The following TANGO6 variants were observed in gnomAD, a reference collection of about 807,000 sequenced individuals.
TANGO6 encodes transport and golgi organization 6 homolog.
In TANGO6, 90 loss-of-function variants were observed where a neutral mutation model predicts 114.2. That is an observed-to-expected ratio of 0.79 (90% CI 0.66 to 0.94). The LOEUF (loss-of-function observed/expected upper bound fraction) is 0.94. Among genes scored for constraint, TANGO6 ranks in the 40% least tolerant of loss-of-function variants. The pLI is 0.00. For missense variants in TANGO6, 1,274 were observed against 1,315.3 expected (o/e 0.97, Z 0.49); for synonymous variants, 477 against 509.8 (o/e 0.94, Z 0.87).
intron 16 of TANGO6, among the ~76,000 whole-genome samples, chr16:69,028,856 CAAAA>C (rs397761274): frequency 6.1e-5 from 4 of 65,546 alleles, no homozygotes; most frequent in Admixed American, 1.8e-4. Context: ...CCCAGTTTAA[CAAAA>C]AAAAAAAAAA....
At position 68,860,513 on chromosome 16, in the gene TANGO6, C is replaced by A. The variant is rs764349992; in HGVS notation, c.724C>A (p.Pro242Thr). 3 of 1,612,880 alleles carry A rather than the reference C, an allele frequency of 1.9e-6. No homozygotes were observed. Among genetic ancestry groups the A allele is most frequent in the South Asian group, 2.2e-5 (2 of 91,066 alleles). The change falls in exon 2 of 18, where the codon CCT becomes ACT. Residue 242 changes from proline to threonine, a missense_variant. Around this residue, in one of 5 missense-constraint regions of TANGO6, gnomAD observed 908 missense variants for 910.2 expected, o/e 1.00. Transcript: ENST00000261778. The part of the protein sequence containing the change: ...FCPTKRKLLT[P>T]AEEVLTEEER... ...CCCAACCAAAAGAAAACTGCTAACA[C>A]CTGCAGAAGAGGTAAATATACATTG...
chr16:68,988,470 C>T (rs897724080), intron 15 of TANGO6, among the ~76,000 whole-genome samples: 1 of 152,182 alleles, frequency 6.6e-6, no homozygotes, highest in East Asian at 1.9e-4. Flanking sequence ...TTCTCTCTTC[C>T]ATGCACATAG....
chr16:68,998,696 G>C (rs183690097), intron 15 of TANGO6, among the ~76,000 whole-genome samples: 1 of 147,954 alleles, frequency 6.8e-6, no homozygotes, highest in Non-Finnish European at 1.5e-5. Context: ...GCGCCACTGC[G>C]CTCCAGCCTG....
At chr16:69,041,513 G>A (rs1380872185) in intron 17 of TANGO6, among the ~76,000 whole-genome samples, 1 of 151,474 alleles carries the variant, frequency 6.6e-6, no homozygotes, top group Non-Finnish European at 1.5e-5. Flanking sequence ...ATCCTAGAAT[G>A]TTACCATATG....
chr16:68,882,945 G>A (rs1488948793), intron 7 of TANGO6, among the ~76,000 whole-genome samples: 4 of 152,030 alleles, frequency 2.6e-5, no homozygotes, highest in African/African-American at 7.2e-5. Flanking sequence ...TTGAACCCGG[G>A]AGGCGGAGGT....
intron 15 of TANGO6, among the ~76,000 whole-genome samples, chr16:68,988,238 T>C (rs920469682): frequency 6.6e-6 from 1 of 152,246 alleles, no homozygotes; most frequent in African/African-American, 2.4e-5. Flanking sequence ...AAGCCAGTGA[T>C]CAGTTATTCC....
In TANGO6 at chr16:68,927,906, G is replaced by T. The variant is rs745920560; in HGVS notation, c.2466G>T (p.Glu822Asp). The part of the protein sequence containing the change: ...NAPIIPQGVN[E>D]PSTTTSQKSG... Reference sequence around the variant, plus strand: ...CAATCATTCCTCAAGGAGTCAATGAGCCCAGCACTACTACAAGTCAGAAAT... The same window carrying T: ...CAATCATTCCTCAAGGAGTCAATGATCCCAGCACTACTACAAGTCAGAAAT... The change falls in exon 13 of 18, where the codon GAG becomes GAT. Residue 822 changes from glutamate (E) to aspartate (D), a missense_variant. Physicochemically the swap from Glu to Asp is conservative, Grantham distance 45. Around this residue, in one of 5 missense-constraint regions of TANGO6, gnomAD observed 908 missense variants for 910.2 expected, o/e 1.00. Coordinates refer to ENST00000261778, the MANE Select transcript of TANGO6 (RefSeq NM_024562.2). The T allele has an allele frequency of 1.2e-6, 2 of 1,613,916 alleles. No homozygotes were observed. The highest frequency in any genetic ancestry group is 3.3e-5 in the Admixed American group (2 of 60,004).
At chr16:68,910,756 A>G (rs1962911720) in intron 11 of TANGO6, among the ~76,000 whole-genome samples, 1 of 152,192 alleles carries the variant, frequency 6.6e-6, no homozygotes, top group South Asian at 2.1e-4. Flanking sequence ...GGCTCACTGC[A>G]ACCTCCACCT....
chr16:68,843,634 C>T lies in TANGO6; in HGVS notation c.17C>T (p.Ala6Val). The change falls in exon 1 of 18, where the codon GCC becomes GTC. Residue 6 changes from alanine (A) to valine (V), a missense_variant. By Grantham distance (64) the Ala-to-Val change is moderately conservative. Coordinates refer to ENST00000261778, the MANE Select transcript of TANGO6 (RefSeq NM_024562.2). MAARQAVGSGAQETCG... is the reference protein window; with the variant it reads MAARQVVGSGAQETCG... The stretch of plus-strand genomic sequence containing the variant: ...ACTCCAGTCATGGCGGCCCGACAGG[C>T]CGTGGGCAGCGGGGCTCAGGAGACA... 6.2e-7 allele frequency: 1 copy of T among 1,613,528 alleles called. No individual in the cohort carries two copies. Among genetic ancestry groups the T allele is most frequent in the South Asian group, 1.1e-5 (1 of 91,056 alleles).
At chr16:68,938,725 A>C (rs1194936884) in intron 14 of TANGO6, among the ~76,000 whole-genome samples, 1 of 152,092 alleles carries the variant, frequency 6.6e-6, no homozygotes, top group Non-Finnish European at 1.5e-5. Flanking sequence ...ATGGGGGCTT[A>C]TGTCAGTGAC....
chr16:69,025,336 G>T (rs1053718298), intron 16 of TANGO6, among the ~76,000 whole-genome samples: 2 of 152,174 alleles, frequency 1.3e-5, no homozygotes, highest in Non-Finnish European at 2.9e-5. Flanking sequence ...GCTGGAGAGA[G>T]GACATGAAGG....
chr16:68,985,745 G>A (rs943001491), intron 15 of TANGO6, among the ~76,000 whole-genome samples: 7 of 152,160 alleles, frequency 4.6e-5, no homozygotes, highest in Non-Finnish European at 2.9e-5. Flanking sequence ...AATTTTAAAA[G>A]ATACTTAGTG....
At chr16:69,077,939 A>C (rs1322805088) in intron 17 of TANGO6, among the ~76,000 whole-genome samples, 3 of 152,110 alleles carry the variant, frequency 2.0e-5, no homozygotes, top group Admixed American at 2.0e-4. Flanking sequence ...TTTATTTTTT[A>C]TTTGTTTATT....
At chr16:68,995,399 T>G (rs917307356) in intron 15 of TANGO6, among the ~76,000 whole-genome samples, 7 of 152,186 alleles carry the variant, frequency 4.6e-5, no homozygotes, top group Admixed American at 2.6e-4. Context: ...CAGTGACTAT[T>G]GTGACCTGTG....
In TANGO6 at chr16:68,877,859, C is replaced by T. The variant is rs560909248; in HGVS notation, c.1132-259C>T. ...TCCTGACCTTGTGATCCTCCCGCCT[C>T]GGCCTCCCAAAGTGTTGGGATTACA... On this transcript the variant is annotated intron_variant, in intron 5 of 17. Coordinates refer to ENST00000261778, the MANE Select transcript of TANGO6 (RefSeq NM_024562.2). Among the ~76,000 whole-genome samples, 112 of 152,250 alleles carry T rather than the reference C, an allele frequency of 7.4e-4. 1 individual carries two copies. The South Asian group carries it at 0.014, about 19-fold the overall frequency.
chr16:68,861,610 CTG>C (rs1053409552), intron 2 of TANGO6, among the ~76,000 whole-genome samples: 17 of 152,170 alleles, frequency 1.1e-4, no homozygotes, highest in African/African-American at 3.6e-4. Context: ...TGAGGCTAAA[CTG>C]TGCCCAGGGA....
At chr16:69,010,373 C>G (rs747753239) in intron 15 of TANGO6, among the ~76,000 whole-genome samples, 1 of 152,140 alleles carries the variant, frequency 6.6e-6, no homozygotes, top group Non-Finnish European at 1.5e-5. Flanking sequence ...TAAGCTGTTT[C>G]CTTGCCCGAA....
intron 2 of TANGO6, 56 bp downstream of exon 2, chr16:68,860,580 A>C (rs560260864): frequency 6.4e-7 from 1 of 1,570,374 alleles, no homozygotes; most frequent in Non-Finnish European, 8.6e-7. Context: ...GAATGTGTGT[A>C]TATATTTGTG....
At chr16:69,025,547 T>C (rs987222984) in intron 16 of TANGO6, among the ~76,000 whole-genome samples, 3 of 152,186 alleles carry the variant, frequency 2.0e-5, no homozygotes, top group Non-Finnish European at 4.4e-5. Flanking sequence ...TAGGCATATG[T>C]AAAATAGGTG....
Sources: allele counts gnomAD v4.1 joint callset (sites outside exome capture counted in the v4.1 genomes callset), GRCh38; gene constraint gnomAD v4.1.1; regional missense constraint gnomAD v4.1.1; transcripts MANE v1.5; gene names NCBI Gene and HGNC (gene_info 2026-07-23, HGNC 2026-07-21).